STK3: variants seen among roughly 807,000 people sequenced by gnomAD.
STK3 encodes serine/threonine-protein kinase 3.
In STK3, 41 loss-of-function variants were observed where a neutral mutation model predicts 58.0. The ratio of observed to expected loss-of-function variants is 0.71; its 90% confidence interval spans 0.55 to 0.92. The LOEUF is 0.92. Among genes scored for constraint, STK3 ranks in the 40% least tolerant of loss-of-function variants. STK3 has a pLI of 0.00. For missense variants in STK3, 479 were observed against 602.7 expected, an observed-to-expected ratio of 0.79 and a Z score of 2.15; for synonymous variants, 170 against 191.0, an observed-to-expected ratio of 0.89 and a Z score of 0.91.
In STK3 at chr8:98,745,665, C is replaced by T. The variant is rs145716447; in HGVS notation, c.351+3611G>A. Among the ~76,000 whole-genome samples, 4 of 152,118 alleles carry T rather than the reference C, an allele frequency of 2.6e-5. No individual in the cohort carries two copies. In the South Asian group the frequency reaches 8.3e-4, roughly 32 times the overall value. ...GAACAGAGGCCAAGAGGCTAATAAG[C>T]AGAGCAGACCTTTTGACTGACTTAC... On this transcript the variant is annotated intron_variant, in intron 4 of 10. Coordinates refer to ENST00000419617, the MANE Select transcript of STK3 (RefSeq NM_006281.4).
chr8:98,472,082 AG>A (rs2131229712), intron 10 of STK3, among the ~76,000 whole-genome samples: 1 of 152,310 alleles, frequency 6.6e-6, no homozygotes, highest in African/African-American at 2.4e-5. Flanking sequence ...TAGTATTATT[AG>A]TATCACCATT....
At chr8:98,655,940 G>T (rs1221805125) in intron 6 of STK3, among the ~76,000 whole-genome samples, 2 of 152,162 alleles carry the variant, frequency 1.3e-5, no homozygotes, top group Non-Finnish European at 2.9e-5. Flanking sequence ...ATTCCTCAGG[G>T]ATCTAGAACT....
At chr8:98,561,217 A>T (rs1438160112) in intron 8 of STK3, among the ~76,000 whole-genome samples, 2 of 152,034 alleles carry the variant, frequency 1.3e-5, no homozygotes, top group Non-Finnish European at 2.9e-5. Context: ...TAGTCAACAG[A>T]TTTTTGAAAA....
At chr8:98,846,713 T>A (rs774788533) in intron 3 of STK3, among the ~76,000 whole-genome samples, 2 of 152,174 alleles carry the variant, frequency 1.3e-5, no homozygotes, top group Non-Finnish European at 2.9e-5. Context: ...TTTTATTATA[T>A]GATGTATCCA....
chr8:98,376,412 A>T (rs1817675154), intron 2 of STK3, among the ~76,000 whole-genome samples: 3 of 152,186 alleles, frequency 2.0e-5, no homozygotes, highest in African/African-American at 4.8e-5. Context: ...TCAGAGCACA[A>T]GTTTTCAATT....
chr8:98,706,055 C>T (rs1199938924), intron 6 of STK3, among the ~76,000 whole-genome samples: 1 of 143,660 alleles, frequency 7.0e-6, no homozygotes, highest in Non-Finnish European at 1.5e-5. Flanking sequence ...AGAGAAAAGG[C>T]AGAAAAAAAA....
At chr8:98,766,938 C>T (rs1410972033) in intron 3 of STK3, among the ~76,000 whole-genome samples, 2 of 152,088 alleles carry the variant, frequency 1.3e-5, no homozygotes, top group African/African-American at 4.8e-5. Flanking sequence ...GCCTGACCAA[C>T]ATGGAGAAAC....
the STK3 span, among the ~76,000 whole-genome samples, chr8:98,356,452 G>A: frequency 6.6e-6 from 1 of 152,106 alleles, no homozygotes; most frequent in African/African-American, 2.4e-5. Flanking sequence ...CAGGGTAGGG[G>A]GCGCAGCTTA....
intron 6 of STK3, among the ~76,000 whole-genome samples, chr8:98,655,543 C>T (rs1029276283): frequency 2.0e-5 from 3 of 151,890 alleles, no homozygotes; most frequent in African/African-American, 7.3e-5. Context: ...TCAGAGTGAA[C>T]AGGCAACCTA....
intron 6 of STK3, among the ~76,000 whole-genome samples, chr8:98,701,372 C>A (rs1031387994): frequency 6.6e-6 from 1 of 152,252 alleles, no homozygotes; most frequent in South Asian, 2.1e-4. Context: ...AATCCCAGTA[C>A]TTTGGGAGAC....
At chr8:98,883,514 G>T (rs557059263), downstream of STK3, 1 of 582,412 alleles carries the variant, frequency 1.7e-6, no homozygotes, top group South Asian at 2.2e-5. Flanking sequence ...GAAGTCCTTT[G>T]TTTCCAAGTA....
chr8:98,533,468 G>GTAT (rs771105805), intron 9 of STK3, among the ~76,000 whole-genome samples: 46 of 152,074 alleles, frequency 3.0e-4, no homozygotes, highest in Admixed American at 6.5e-4. Flanking sequence ...ATGTATGTAT[G>GTAT]GATGGATGGG....
intron 1 of STK3, among the ~76,000 whole-genome samples, chr8:98,940,308 G>C (rs561273727): frequency 1.3e-5 from 2 of 152,344 alleles, no homozygotes; most frequent in African/African-American, 2.4e-5. Flanking sequence ...GCCTTGCGCC[G>C]GCTCTGGGCT....
At chr8:98,629,270 G>A (rs1049518097) in intron 6 of STK3, among the ~76,000 whole-genome samples, 2 of 152,042 alleles carry the variant, frequency 1.3e-5, no homozygotes, top group African/African-American at 4.8e-5. Context: ...AGTCATTTAC[G>A]AGAGTTTACC....
intron 6 of STK3, among the ~76,000 whole-genome samples, chr8:98,653,530 T>A (rs972634394): frequency 4.7e-4 from 72 of 152,082 alleles, no homozygotes; most frequent in African/African-American, 1.7e-3. Context: ...TTCAAAAAAT[T>A]AATGAATTCA....
At chr8:98,479,326 A>C (rs1821638024) in intron 10 of STK3, among the ~76,000 whole-genome samples, 1 of 151,904 alleles carries the variant, frequency 6.6e-6, no homozygotes, top group African/African-American at 2.4e-5. Flanking sequence ...GTCTCTACTA[A>C]AAATACAAAA....
At chr8:98,579,389 CA>C (rs1813674884) in intron 8 of STK3, among the ~76,000 whole-genome samples, 1 of 151,912 alleles carries the variant, frequency 6.6e-6, no homozygotes, top group African/African-American at 2.4e-5. Flanking sequence ...AAATTCAAGA[CA>C]ATATTTATTT....
intron 4 of STK3, among the ~76,000 whole-genome samples, chr8:98,735,990 G>A (rs1828555090): frequency 6.6e-6 from 1 of 151,660 alleles, no homozygotes; most frequent in Non-Finnish European, 1.5e-5. Context: ...AAACTGTCAA[G>A]CAATAAAACA....
chr8:98,793,576 A>G (rs1307067137), intron 1 of STK3, among the ~76,000 whole-genome samples: 1 of 152,306 alleles, frequency 6.6e-6, no homozygotes, highest in Admixed American at 6.5e-5. Context: ...AGACTTAAAC[A>G]ACCATACATA....
Sources: allele counts gnomAD v4.1 joint callset (sites outside exome capture counted in the v4.1 genomes callset), GRCh38; gene constraint gnomAD v4.1.1; transcripts MANE v1.5; gene names NCBI Gene and HGNC (gene_info 2026-07-23, HGNC 2026-07-21).